CAST: variants seen among roughly 807,000 people sequenced by gnomAD.
CAST encodes the protein MIR583 host.
A neutral mutation model predicts 119.6 loss-of-function variants in CAST; 76 were observed. That is an observed-to-expected ratio of 0.64 (90% CI 0.53 to 0.77). CAST has a LOEUF of 0.77. Among genes scored for constraint, CAST ranks in the 30% least tolerant of loss-of-function variants. CAST has a pLI of 0.00. For missense variants in CAST, 953 were observed against 946.5 expected, an observed-to-expected ratio of 1.01 and a Z score of -0.09; for synonymous variants, 319 against 331.6, an observed-to-expected ratio of 0.96 and a Z score of 0.41.
At chr5:96,302,629 A>G in the CAST span, among the ~76,000 whole-genome samples, 1 of 152,318 alleles carries the variant, frequency 6.6e-6, no homozygotes, top group Middle Eastern at 3.4e-3. Flanking sequence ...TTCTTTTGCC[A>G]GATACCCTAA....
At chr5:96,181,940 G>T in the CAST span, among the ~76,000 whole-genome samples, 1 of 152,166 alleles carries the variant, frequency 6.6e-6, no homozygotes, top group Admixed American at 6.5e-5. Context: ...CAACTGGAAA[G>T]CCTCAGTGGC....
the CAST span, among the ~76,000 whole-genome samples, chr5:95,996,563 G>A: frequency 1.3e-5 from 2 of 152,058 alleles, no homozygotes; most frequent in East Asian, 1.9e-4. Flanking sequence ...TAATTACCAC[G>A]GAAACAAATG....
At chr5:95,989,133 C>A in the CAST span, among the ~76,000 whole-genome samples, 2 of 152,092 alleles carry the variant, frequency 1.3e-5, no homozygotes, top group South Asian at 2.1e-4. Flanking sequence ...ATTTGAGGTA[C>A]CCTGTGTTAA....
At chr5:96,190,455 C>G in the CAST span, among the ~76,000 whole-genome samples, 33 of 152,194 alleles carry the variant, frequency 2.2e-4, no homozygotes, top group Non-Finnish European at 3.7e-4. Context: ...AGAGTTCCCA[C>G]TGGGGAATTA....
At chr5:96,367,966 C>T in the CAST span, among the ~76,000 whole-genome samples, 48 of 152,120 alleles carry the variant, frequency 3.2e-4, 1 homozygote, top group East Asian at 5.4e-3. Context: ...ATCTTGAAAT[C>T]GCCCCCTCTA....
the CAST span, among the ~76,000 whole-genome samples, chr5:96,321,593 G>T: frequency 2.0e-5 from 3 of 152,238 alleles, no homozygotes; most frequent in South Asian, 4.2e-4. Flanking sequence ...CCATTAATTG[G>T]CTCTTGAAGG....
upstream of CAST, among the ~76,000 whole-genome samples, chr5:96,520,385 A>C (rs558633943): frequency 2.4e-4 from 36 of 152,316 alleles, 1 homozygote; most frequent in Admixed American, 1.2e-3. Flanking sequence ...TCAGATTTGT[A>C]TTTCCAACAA....
intron 1 of CAST, among the ~76,000 whole-genome samples, chr5:96,531,604 GATAA>G (rs1418877986): frequency 2.0e-4 from 31 of 152,054 alleles, no homozygotes; most frequent in Admixed American, 2.0e-3. Flanking sequence ...CATTCCTAAA[GATAA>G]ATAGACAATT....
the CAST span, among the ~76,000 whole-genome samples, chr5:96,007,506 C>T: frequency 2.6e-5 from 4 of 152,134 alleles, no homozygotes; most frequent in Admixed American, 1.3e-4. Context: ...CTCTAACCTC[C>T]AATGTGATGG....
the CAST span, among the ~76,000 whole-genome samples, chr5:96,399,756 A>G: frequency 6.6e-6 from 1 of 152,202 alleles, no homozygotes; most frequent in Non-Finnish European, 1.5e-5. Context: ...TACAAGAGGA[A>G]CATGCAAATG....
chr5:96,277,475 ATCT>A, the CAST span, among the ~76,000 whole-genome samples: 2 of 152,122 alleles, frequency 1.3e-5, no homozygotes, highest in African/African-American at 4.8e-5. Flanking sequence ...CTGAGATCTC[ATCT>A]TCTGCAAATT....
chr5:96,142,034 G>A, the CAST span, among the ~76,000 whole-genome samples: 1 of 152,184 alleles, frequency 6.6e-6, no homozygotes, highest in East Asian at 1.9e-4. Context: ...AGAATCCCCA[G>A]AAAGAACAAA....
chr5:96,433,672 G>C, the CAST span, among the ~76,000 whole-genome samples: 1 of 152,144 alleles, frequency 6.6e-6, no homozygotes, highest in African/African-American at 2.4e-5. Context: ...GAAGAACAAG[G>C]CTCTTAGGTC....
intron 31 of CAST, chr5:96,771,931 G>A: frequency 2.8e-6 from 1 of 355,718 alleles, no homozygotes; most frequent in Non-Finnish European, 5.1e-6. Flanking sequence ...ATAATTAAAA[G>A]CTTTTAAAAA....
At chr5:96,334,412 G>A in the CAST span, among the ~76,000 whole-genome samples, 2 of 152,148 alleles carry the variant, frequency 1.3e-5, no homozygotes, top group Non-Finnish European at 2.9e-5. Flanking sequence ...TGCAACTTGG[G>A]TGAGGTGGCC....
chr5:96,164,292 T>C, the CAST span, among the ~76,000 whole-genome samples: 1 of 152,184 alleles, frequency 6.6e-6, no homozygotes, highest in African/African-American at 2.4e-5. Context: ...CAGAAATGTA[T>C]GAGAGATGAG....
intron 1 of CAST, among the ~76,000 whole-genome samples, chr5:96,537,833 C>G (rs926731872): frequency 6.6e-6 from 1 of 152,122 alleles, no homozygotes; most frequent in Non-Finnish European, 1.5e-5. Flanking sequence ...CTGTAGATAC[C>G]TAATTTTTAT....
chr5:96,567,949 G>C (rs1168327130), intron 1 of CAST, among the ~76,000 whole-genome samples: 1 of 152,174 alleles, frequency 6.6e-6, no homozygotes, highest in African/African-American at 2.4e-5. Flanking sequence ...TGGAGGAGGA[G>C]AGGGTGGCAG....
Position 96,536,019 on chromosome 5 carries a change from T to TAAATATTTA in CAST, c.60+6141_60+6149dup. On this transcript the variant is annotated intron_variant, in intron 1 of 11. Transcript: ENST00000505143. ...AACTATATGTTAAATAACCATATGT[T>TAAATATTTA]AAATATTTAAGGTTTTTTTTTTTTT... Among the ~76,000 whole-genome samples the TAAATATTTA allele has an allele frequency of 2.0e-5, 3 of 147,946 alleles. No homozygotes were observed. In the East Asian group the frequency reaches 5.9e-4, roughly 29 times the overall value.
Sources: gnomAD v4.1 joint callset for allele counts (sites outside exome capture counted in the v4.1 genomes callset) on GRCh38, gnomAD v4.1.1 for gene constraint, MANE v1.5 for transcripts, NCBI Gene and HGNC (gene_info 2026-07-23, HGNC 2026-07-21) for gene names.